Variants in JMJD1C observed in about 807,000 individuals in gnomAD.
JMJD1C encodes the protein jumonji domain containing 1C.
Under a neutral mutation model 245.3 loss-of-function variants are expected in JMJD1C, and 31 were observed. That is an observed-to-expected ratio of 0.13 (90% CI 0.09 to 0.17). JMJD1C has a LOEUF of 0.17. JMJD1C is among the 10% of genes least tolerant of loss of function. JMJD1C has a pLI of 1.00. For synonymous variants in JMJD1C, 1,057 were observed against 1,017.4 expected (o/e 1.04, Z -0.74); for missense variants, 2,691 against 3,000.2 (o/e 0.90, Z 2.41).
chr10:63,489,122 G>A (rs575704610), intron 1 of JMJD1C, among the ~76,000 whole-genome samples: 116 of 152,244 alleles, frequency 7.6e-4, no homozygotes, highest in Middle Eastern at 3.4e-3. Context: ...AAATGAGGCC[G>A]GGCGCAGTGG....
rs187202862 is a variant in JMJD1C at position 63,241,301 on chromosome 10, C to T, written c.448-21318G>A. On this transcript the variant is annotated intron_variant, in intron 3 of 25. Transcript: ENST00000399262. The stretch of plus-strand genomic sequence containing the variant: ...TTTCACCCTTGTGAAGTCAAAAAGT[C>T]CTAAGTCAAACTATCATACATAGGG... Among the ~76,000 whole-genome samples the T allele has an allele frequency of 1.1e-3, 168 of 152,230 alleles. 1 individual carries two copies. The highest frequency in any genetic ancestry group is 3.7e-3 in the African/African-American group (154 of 41,558).
chr10:63,375,561 T>TGTGC (rs60433470), intron 2 of JMJD1C, among the ~76,000 whole-genome samples: 2 of 149,670 alleles, frequency 1.3e-5, no homozygotes, highest in Non-Finnish European at 3.0e-5. Flanking sequence ...TGTGTGTGTG[T>TGTGC]AGTTTTAGAG....
chr10:63,213,448 T>C (rs755687730), intron 8 of JMJD1C, 25 bp downstream of exon 8: 12 of 1,346,344 alleles, frequency 8.9e-6, no homozygotes, highest in Non-Finnish European at 1.2e-5. Context: ...TATACTGCTA[T>C]GTGGCAAACT....
intron 17 of JMJD1C, among the ~76,000 whole-genome samples, chr10:63,190,668 C>T (rs1844687983): frequency 1.3e-5 from 2 of 152,070 alleles, no homozygotes; most frequent in Admixed American, 1.3e-4. Flanking sequence ...ATCTTAGGGA[C>T]CTTCTGGAAT....
At chr10:63,194,170 A>G (rs1192758780) in intron 14 of JMJD1C, 116 bp downstream of exon 14, 1 of 713,448 alleles carries the variant, frequency 1.4e-6, no homozygotes, top group Non-Finnish European at 2.6e-6. Flanking sequence ...GAGCAAGACA[A>G]TTCAAAACTA....
In JMJD1C at chr10:63,387,629, A is replaced by AATTTTTTTTT; in HGVS notation, c.169-7148_169-7147insAAAAAAAAAT. On this transcript the variant is annotated intron_variant, in intron 1 of 25. Coordinates refer to ENST00000399262, the MANE Select transcript of JMJD1C (RefSeq NM_032776.3). Reference sequence around the variant, plus strand: ...AGTCAGAAGAAAAAAGAAAAAAAAAATTTTTTTTTTTTTTTTTTTTTTTTG... The same window carrying AATTTTTTTTT: ...AGTCAGAAGAAAAAAGAAAAAAAAAAATTTTTTTTTTTTTTTTTTTTTTTTTTTTTTTTTG... Among the ~76,000 whole-genome samples the AATTTTTTTTT allele has an allele frequency of 3.7e-4, 14 of 37,842 alleles. 1 individual carries two copies. Among genetic ancestry groups the AATTTTTTTTT allele is most frequent in the South Asian group, 1.2e-3 (1 of 812 alleles). 24.8% of individuals were successfully genotyped at this position (37,842 alleles called of 152,430 possible). A position where few individuals can be genotyped will look rare whatever the true frequency, so the allele number is the denominator to read the frequency against.
At chr10:63,198,795 G>A (rs1318625422) in intron 11 of JMJD1C, 68 bp from the exon 12 acceptor site, 3 of 862,772 alleles carry the variant, frequency 3.5e-6, no homozygotes, top group Non-Finnish European at 5.2e-6. Context: ...CTTTAAAATT[G>A]TAAATTTATA....
At chr10:63,475,360 CTA>C (rs1381601229) in intron 1 of JMJD1C, among the ~76,000 whole-genome samples, 1 of 152,144 alleles carries the variant, frequency 6.6e-6, no homozygotes, top group East Asian at 1.9e-4. Flanking sequence ...CCACTGAAAA[CTA>C]TGTTTTACTT....
At chr10:63,422,129 G>C (rs768189665) in intron 1 of JMJD1C, among the ~76,000 whole-genome samples, 18 of 152,116 alleles carry the variant, frequency 1.2e-4, no homozygotes, top group Non-Finnish European at 2.4e-4. Flanking sequence ...TTAAAAGAAG[G>C]GGCTGGGCGC....
At chr10:63,467,739 A>G (rs940737747), upstream of JMJD1C, among the ~76,000 whole-genome samples, 5 of 152,376 alleles carry the variant, frequency 3.3e-5, no homozygotes, top group South Asian at 4.1e-4. Flanking sequence ...CTTGGTGACA[A>G]TAATTCAACA....
At chr10:63,398,149 G>C (rs1367826946) in intron 1 of JMJD1C, among the ~76,000 whole-genome samples, 2 of 152,078 alleles carry the variant, frequency 1.3e-5, no homozygotes, top group Non-Finnish European at 2.9e-5. Context: ...AGTTTCCCAG[G>C]TTGGGTTGTT....
At chr10:63,336,927 G>A (rs1424349980) in intron 2 of JMJD1C, among the ~76,000 whole-genome samples, 3 of 151,880 alleles carry the variant, frequency 2.0e-5, no homozygotes, top group Non-Finnish European at 4.4e-5. Flanking sequence ...TGCAACCTCC[G>A]CCTTCTGTGT....
intron 2 of JMJD1C, among the ~76,000 whole-genome samples, chr10:63,340,180 C>T (rs1319258331): frequency 6.6e-6 from 1 of 152,172 alleles, no homozygotes; most frequent in Non-Finnish European, 1.5e-5. Flanking sequence ...CCTCATGTGA[C>T]AATTCACAGA....
chr10:63,357,858 C>CAG (rs1180319445), intron 2 of JMJD1C, among the ~76,000 whole-genome samples: 1 of 148,412 alleles, frequency 6.7e-6, no homozygotes, highest in African/African-American at 2.5e-5. Context: ...CACACACACA[C>CAG]ACACACACAG....
chr10:63,490,312 C>T (rs950764235), intron 1 of JMJD1C, among the ~76,000 whole-genome samples: 1 of 152,142 alleles, frequency 6.6e-6, no homozygotes, highest in Non-Finnish European at 1.5e-5. Flanking sequence ...TCATGAAGCC[C>T]TTCATGGACA....
At chr10:63,287,315 A>G (rs1858100147) in intron 2 of JMJD1C, among the ~76,000 whole-genome samples, 1 of 152,270 alleles carries the variant, frequency 6.6e-6, no homozygotes, top group South Asian at 2.1e-4. Context: ...ACAGAAACTC[A>G]GTAGGAGACA....
At chr10:63,361,719 T>TAAAAAAAAAAAAAAAAAAAAAAA (rs55879769) in intron 2 of JMJD1C, among the ~76,000 whole-genome samples, 2 of 95,606 alleles carry the variant, frequency 2.1e-5, no homozygotes, top group African/African-American at 8.8e-5. Flanking sequence ...CTGTCTCAAC[T>TAAAAAAAAAAAAAAAAAAAAAAA]AAAAAAAAAA....
chr10:63,362,789 T>C (rs966981158), intron 2 of JMJD1C, among the ~76,000 whole-genome samples: 2 of 152,102 alleles, frequency 1.3e-5, no homozygotes, highest in African/African-American at 4.8e-5. Context: ...CCTAGTATAT[T>C]GTATTTATAT....
intron 1 of JMJD1C, among the ~76,000 whole-genome samples, chr10:63,493,559 G>A (rs1954249765): frequency 6.6e-6 from 1 of 152,092 alleles, no homozygotes; most frequent in East Asian, 1.9e-4. Flanking sequence ...TGGGATTACA[G>A]GCGTGAGCCA....
Sources: gnomAD v4.1 joint callset for allele counts (sites outside exome capture counted in the v4.1 genomes callset) on GRCh38, gnomAD v4.1.1 for gene constraint, MANE v1.5 for transcripts, NCBI Gene and HGNC (gene_info 2026-07-23, HGNC 2026-07-21) for gene names.